KLHL5: variants seen among roughly 807,000 people sequenced by gnomAD.
KLHL5 encodes the protein kelch-like protein 5.
KLHL5 carries 48 observed loss-of-function variants against 77.7 expected under a neutral mutation model. The observed-to-expected ratio is 0.62, with a 90% confidence interval of 0.49 to 0.79. The LOEUF (loss-of-function observed/expected upper bound fraction) is 0.79. Ranked by LOEUF, KLHL5 falls within the 30% of genes least tolerant of loss-of-function variation. KLHL5 has a pLI of 0.00. For missense variants in KLHL5, 723 were observed against 859.7 expected, an observed-to-expected ratio of 0.84 and a Z score of 1.99; for synonymous variants, 260 against 297.0, an observed-to-expected ratio of 0.88 and a Z score of 1.28.
In KLHL5 at chr4:39,078,360, T is replaced by G. The variant is rs560377393; in HGVS notation, c.566+2213T>G. On this transcript the variant is annotated intron_variant, in intron 2 of 10. Transcript: ENST00000504108. ...GAGATCACGCCACTGCACTCCAGCC[T>G]GGGTGACAGAGTAAGACCCTGTCTC... is the stretch of plus-strand genomic sequence containing the variant. 1.4e-4 allele frequency among the ~76,000 whole-genome samples: 21 copies of G among 148,110 alleles called. No individual in the cohort carries two copies. In the East Asian group the frequency reaches 4.2e-3, roughly 30 times the overall value.
chr4:39,113,110 A>T lies in KLHL5; in HGVS notation c.1779A>T (p.Ala593=). 1 of 1,614,054 alleles carries T rather than the reference A, an allele frequency of 6.2e-7. No homozygotes were observed. Among genetic ancestry groups the T allele is most frequent in the Admixed American group, 1.7e-5 (1 of 60,014 alleles). Reference sequence around the variant, plus strand: ...ATACTAATAAGTGGACACTGTGTGCACAGATGTCAAAAAGGAGAGGTGGCG... The same window carrying T: ...ATACTAATAAGTGGACACTGTGTGCTCAGATGTCAAAAAGGAGAGGTGGCG... The part of the protein sequence containing the change: ...DPHTNKWTLC[A]QMSKRRGGVG... Residue 593 remains alanine (A), a synonymous_variant, in exon 9 of 11, where the codon GCA becomes GCT. Coordinates refer to ENST00000504108, the MANE Select transcript of KLHL5 (RefSeq NM_015990.5).
chr4:39,045,723 C>T (rs1490812607), intron 1 of KLHL5, among the ~76,000 whole-genome samples: 1 of 151,988 alleles, frequency 6.6e-6, no homozygotes, highest in Non-Finnish European at 1.5e-5. Context: ...GCGTTACTGT[C>T]GTTTTTTATC....
intron 4 of KLHL5, among the ~76,000 whole-genome samples, chr4:39,083,493 A>C (rs1719799888): frequency 6.6e-6 from 1 of 152,174 alleles, no homozygotes; most frequent in Admixed American, 6.5e-5. Context: ...ACAGAGTCTC[A>C]ACTGAAAAAA....
intron 6 of KLHL5, among the ~76,000 whole-genome samples, chr4:39,102,522 T>C (rs1014846733): frequency 4.2e-4 from 63 of 151,236 alleles, no homozygotes; most frequent in African/African-American, 1.5e-3. Context: ...TGTTCCCTCC[T>C]CCCGTGAAAG....
In KLHL5 at chr4:39,089,309, C is replaced by T. The variant is rs552423443; in HGVS notation, c.1113+2582C>T. ...TGCAATTAGGTTAATTAAAAGGTGC[C>T]GGCAATTGAAACAAGGAATATAGAA... On this transcript the variant is annotated intron_variant, in intron 5 of 10. Coordinates refer to ENST00000504108, the MANE Select transcript of KLHL5 (RefSeq NM_015990.5). Among the ~76,000 whole-genome samples the T allele has an allele frequency of 4.6e-5, 7 of 152,044 alleles. No homozygotes were observed. In the East Asian group the frequency reaches 5.8e-4, roughly 13 times the overall value.
In KLHL5 at chr4:39,115,048, A is replaced by G. The variant is rs143007379; in HGVS notation, c.1902-111A>G. On this transcript the variant is annotated intron_variant, in intron 9 of 10. Coordinates refer to ENST00000504108, the MANE Select transcript of KLHL5 (RefSeq NM_015990.5). ...TTTTCTCTAAAATATGTTCAAATGT[A>G]TTTGATTACATAGTAGATAATGAGT... The G allele has an allele frequency of 8.3e-4, 764 of 921,500 alleles. 5 individuals are homozygous for G. The East Asian group carries it at 0.01, about 12-fold the overall frequency. The allele number at this position is 921,500 out of a possible 1,614,324, so 57.1% of individuals were successfully genotyped here. A position where few individuals can be genotyped will look rare whatever the true frequency, so the allele number is the denominator to read the frequency against.
upstream of KLHL5, among the ~76,000 whole-genome samples, chr4:39,058,159 A>T (rs1382195255): frequency 1.3e-5 from 2 of 152,340 alleles, no homozygotes; most frequent in East Asian, 3.8e-4. Context: ...AAGCAAGGTT[A>T]TAAAATTAGA....
chr4:39,070,542 GT>G (rs995446749), intron 1 of KLHL5, among the ~76,000 whole-genome samples: 8 of 152,186 alleles, frequency 5.3e-5, no homozygotes, highest in Non-Finnish European at 8.8e-5. Flanking sequence ...ATCCCAAGGG[GT>G]TTTCACATTT....
At chr4:39,049,989 C>T (rs147728694) in intron 1 of KLHL5, among the ~76,000 whole-genome samples, 3,920 of 152,102 alleles carry the variant, frequency 0.026, 159 homozygotes, top group African/African-American at 0.09. Flanking sequence ...GCAGGAGAAT[C>T]GCTTGAACCC....
intron 2 of KLHL5, among the ~76,000 whole-genome samples, chr4:39,076,882 T>G (rs10020409): frequency 0.029 from 4,319 of 150,376 alleles, 177 homozygotes; most frequent in African/African-American, 0.099. Context: ...TCATGACCAA[T>G]AACCCAAAAG....
intron 1 of KLHL5, among the ~76,000 whole-genome samples, chr4:39,049,586 C>CG (rs1560400277): frequency 6.6e-6 from 1 of 151,480 alleles, no homozygotes; most frequent in Admixed American, 6.6e-5. Context: ...TCCTTGGGGG[C>CG]GGGGGTAGGG....
At chr4:39,051,452 A>G (rs530395213) in intron 1 of KLHL5, among the ~76,000 whole-genome samples, 1 of 152,294 alleles carries the variant, frequency 6.6e-6, no homozygotes, top group East Asian at 1.9e-4. Context: ...ATGTCATATT[A>G]AGACTCTTAG....
At position 39,113,107 on chromosome 4, in the gene KLHL5, T is replaced by C; in HGVS notation, c.1776T>C (p.Cys592=). ...FDPHTNKWTL[C]AQMSKRRGGV... ...CTCATACTAATAAGTGGACACTGTG[T>C]GCACAGATGTCAAAAAGGAGAGGTG... The change falls in exon 9 of 11, where the codon TGT becomes TGC. Residue 592 remains cysteine (C), a synonymous_variant. Transcript: ENST00000504108. 1 of 1,614,030 alleles carries C rather than the reference T, an allele frequency of 6.2e-7. No homozygotes were observed. Among genetic ancestry groups the C allele is most frequent in the South Asian group, 1.1e-5 (1 of 91,082 alleles).
chr4:39,112,177 T>A (rs1385995894), intron 8 of KLHL5, among the ~76,000 whole-genome samples: 1 of 152,158 alleles, frequency 6.6e-6, no homozygotes, highest in Non-Finnish European at 1.5e-5. Flanking sequence ...TTTTACAAAC[T>A]TTTAGGTTCA....
the KLHL5 span, among the ~76,000 whole-genome samples, chr4:39,138,282 A>G: frequency 8.5e-5 from 13 of 152,344 alleles, no homozygotes; most frequent in South Asian, 6.2e-4. Context: ...AAATCATTCT[A>G]TTATAAAGAC....
At chr4:39,101,216 T>C (rs1721520179) in intron 6 of KLHL5, among the ~76,000 whole-genome samples, 1 of 148,224 alleles carries the variant, frequency 6.7e-6, no homozygotes, top group Non-Finnish European at 1.5e-5. Context: ...TACCAATTCA[T>C]ATGAATATGA....
At chr4:39,070,923 C>G (rs1365517534) in intron 1 of KLHL5, among the ~76,000 whole-genome samples, 1 of 152,114 alleles carries the variant, frequency 6.6e-6, no homozygotes, top group African/African-American at 2.4e-5. Flanking sequence ...TTTTTAAACA[C>G]TAGCCCATAC....
intron 10 of KLHL5, chr4:39,115,608 G>A: frequency 7.1e-7 from 1 of 1,409,298 alleles, no homozygotes; most frequent in East Asian, 2.6e-5. Flanking sequence ...AAAGCTGATA[G>A]GACTACTGGA....
At chr4:39,088,585 T>G (rs577424426) in intron 5 of KLHL5, among the ~76,000 whole-genome samples, 1 of 152,118 alleles carries the variant, frequency 6.6e-6, no homozygotes, top group South Asian at 2.1e-4. Context: ...GGCAGGGAGA[T>G]GGTATCAGAT....
Sources: gnomAD v4.1 joint callset for allele counts (sites outside exome capture counted in the v4.1 genomes callset) on GRCh38, gnomAD v4.1.1 for gene constraint, MANE v1.5 for transcripts, NCBI Gene and HGNC (gene_info 2026-07-23, HGNC 2026-07-21) for gene names.